VWA2: variants seen among roughly 807,000 people sequenced by gnomAD.
The protein encoded by VWA2 is von Willebrand factor A domain-containing protein 2.
Under a neutral mutation model 70.4 loss-of-function variants are expected in VWA2, and 73 were observed. That is an observed-to-expected ratio of 1.04 (90% CI 0.86 to 1.26). VWA2 has a LOEUF of 1.26. Ranked by LOEUF, VWA2 falls within the 50% of genes most tolerant of loss-of-function variation. The pLI is 0.00. For missense variants in VWA2, 1,011 were observed against 998.5 expected (o/e 1.01, Z -0.17); for synonymous variants, 407 against 423.3 (o/e 0.96, Z 0.47).
intron 4 of VWA2, among the ~76,000 whole-genome samples, chr10:114,256,354 G>T (rs1202473862): frequency 6.6e-6 from 1 of 152,192 alleles, no homozygotes; most frequent in African/African-American, 2.4e-5. Context: ...GGTGCAAATG[G>T]TGTGTATAAT....
At chr10:114,244,760 A>G (rs758914335) in intron 1 of VWA2, among the ~76,000 whole-genome samples, 12 of 152,262 alleles carry the variant, frequency 7.9e-5, no homozygotes, top group Non-Finnish European at 1.3e-4. Context: ...AGTGCAAACA[A>G]TACTTCAACA....
At chr10:114,272,589 T>G in intron 5 of VWA2, 151 bp from the exon 6 acceptor site, 1 of 651,042 alleles carries the variant, frequency 1.5e-6, no homozygotes. Flanking sequence ...TTGTTGTGGT[T>G]TAGATGGTAG....
At chr10:114,268,947 G>A (rs1053416794) in intron 5 of VWA2, among the ~76,000 whole-genome samples, 1 of 151,418 alleles carries the variant, frequency 6.6e-6, no homozygotes, top group South Asian at 2.1e-4. Context: ...CGCCCGCCTC[G>A]GCCTTCCAAA....
chr10:114,263,328 ATTT>A (rs35723083), intron 5 of VWA2, among the ~76,000 whole-genome samples: 5 of 76,136 alleles, frequency 6.6e-5, no homozygotes, highest in East Asian at 7.5e-4. Flanking sequence ...AATCTCCCCC[ATTT>A]TTTTTTTTTT....
intron 3 of VWA2, 78 bp from the exon 4 acceptor site, chr10:114,254,837 C>A: frequency 6.4e-7 from 1 of 1,569,206 alleles, no homozygotes; most frequent in Non-Finnish European, 8.7e-7. Flanking sequence ...CACCACAAGG[C>A]TGTTTGTGCC....
intron 2 of VWA2, 102 bp from the exon 3 acceptor site, chr10:114,253,549 G>A (rs1282907823): frequency 1.4e-5 from 14 of 986,816 alleles, no homozygotes; most frequent in Non-Finnish European, 2.1e-5. Context: ...CACATTCTAG[G>A]TTTCTCTGAT....
intron 13 of VWA2, 84 bp downstream of exon 13, chr10:114,290,449 G>T: frequency 6.6e-7 from 1 of 1,520,852 alleles, no homozygotes; most frequent in African/African-American, 1.4e-5. Flanking sequence ...GCTGAAGGCA[G>T]GTTCTAAAAC....
chr10:114,289,422 G>T lies in VWA2; in HGVS notation c.2055G>T (p.Leu685=). ...GGCTTGCAGGTCCCCGGGATTCCCT[G>T]ATCCACGTGGCAGCTTACGCCGACC... The part of the protein sequence containing the change: ...LRRLAGPRDS[L]IHVAAYADLR... The change falls in exon 12 of 14, where the codon CTG becomes CTT. Residue 685 remains leucine, a synonymous_variant. Transcript: ENST00000392982. 1 of 1,614,216 alleles carries T rather than the reference G, an allele frequency of 6.2e-7. No homozygotes were observed. The highest frequency in any genetic ancestry group is 1.1e-5 in the South Asian group (1 of 91,082).
chr10:114,273,256 C>A (rs908070220), intron 6 of VWA2, among the ~76,000 whole-genome samples: 1 of 152,144 alleles, frequency 6.6e-6, no homozygotes, highest in Non-Finnish European at 1.5e-5. Context: ...TGTGCAGGAG[C>A]CAGGGACTTC....
chr10:114,276,308 C>T (rs115529321), intron 6 of VWA2, among the ~76,000 whole-genome samples: 315 of 152,314 alleles, frequency 2.1e-3, no homozygotes, highest in African/African-American at 7.1e-3. Flanking sequence ...TCTTCGTCAC[C>T]TGGGAGCCTG....
Position 114,289,709 on chromosome 10 carries a change from A to ATATC in VWA2, c.2122+222_2122+223insTCTA, listed in dbSNP as rs1005876790. The ATATC allele has an allele frequency of 1.0e-5, 6 of 589,638 alleles. No individual in the cohort carries two copies. In the African/African-American group the frequency reaches 1.1e-4, roughly 11 times the overall value. 36.5% of individuals were successfully genotyped at this position (589,638 alleles called of 1,614,324 possible). A position where few individuals can be genotyped will look rare whatever the true frequency, so the allele number is the denominator to read the frequency against. On this transcript the variant is annotated intron_variant, in intron 12 of 13. Transcript: ENST00000392982. Reference sequence around the variant, plus strand: ...GGTACAGAAAGTTTAACTAACATAGATAACTCCCCCCAAACTTGAGAATTT... The same window carrying ATATC: ...GGTACAGAAAGTTTAACTAACATAGATATCTAACTCCCCCCAAACTTGAGAATTT...
At chr10:114,281,391 G>A (rs1774242737) in intron 8 of VWA2, 2 of 152,328 alleles carry the variant, frequency 1.3e-5, no homozygotes, top group South Asian at 2.1e-4. Context: ...TTGGAGTCAT[G>A]GTCAGGGTTT....
In VWA2 at chr10:114,293,712, G is replaced by A. The variant is rs1478587616; in HGVS notation, c.*2475G>A. On this transcript the variant is annotated 3_prime_UTR_variant, in exon 14 of 14. Transcript: ENST00000392982. ...GGCCATAAATTTCCTTATTTTCTCT[G>A]AACGATCCTGATTCCAGTCATCTTG... Among the ~76,000 whole-genome samples, 5 of 151,986 alleles carry A rather than the reference G, an allele frequency of 3.3e-5. No individual in the cohort carries two copies. The highest frequency in any genetic ancestry group is 1.2e-4 in the African/African-American group (5 of 41,364).
chr10:114,267,016 T>C (rs2037584384), intron 5 of VWA2, among the ~76,000 whole-genome samples: 1 of 152,230 alleles, frequency 6.6e-6, no homozygotes, highest in African/African-American at 2.4e-5. Flanking sequence ...ATATATTTAA[T>C]TATTCTCCTA....
chr10:114,284,090 G>A lies in VWA2; in HGVS notation c.890-773G>A, dbSNP rs151338858. On this transcript the variant is annotated intron_variant, in intron 9 of 13. Transcript: ENST00000392982. ...GCTGCACTTTGTAATAATTGATAAGGAAAGCAATGAGATGCTCAGGCATGG... is the reference window on the plus strand; with the variant it reads ...GCTGCACTTTGTAATAATTGATAAGAAAAGCAATGAGATGCTCAGGCATGG... 2.0e-5 allele frequency among the ~76,000 whole-genome samples: 3 copies of A among 152,298 alleles called. No homozygotes were observed. The East Asian group carries it at 5.8e-4, about 29-fold the overall frequency.
At chr10:114,282,017 CT>C (rs144974085) in intron 8 of VWA2, among the ~76,000 whole-genome samples, 8 of 119,646 alleles carry the variant, frequency 6.7e-5, no homozygotes, top group East Asian at 2.7e-4. Flanking sequence ...CTTATGTTAC[CT>C]TTTTTTTTTG....
chr10:114,252,737 T>A (rs1202215116), intron 2 of VWA2, among the ~76,000 whole-genome samples: 1 of 151,078 alleles, frequency 6.6e-6, no homozygotes, highest in Non-Finnish European at 1.5e-5. Flanking sequence ...TAGCTGGAAC[T>A]ATAGGCGCCC....
rs1442079067 is a variant in VWA2 at position 114,288,949 on chromosome 10, C to T, written c.1582C>T (p.Gln528Ter). 2 of 1,607,936 alleles carry T rather than the reference C, an allele frequency of 1.2e-6. No homozygotes were observed. Among genetic ancestry groups the T allele is most frequent in the Admixed American group, 1.7e-5 (1 of 59,844 alleles). Residue 528 changes from glutamine to a stop codon, truncating the protein, a stop_gained, in exon 12 of 14, where the codon CAA becomes TAA. Transcript: ENST00000392982. LOFTEE classifies it high-confidence loss of function. ...GCTTGCTCCTGCAGGGTGCCGGACA[C>T]AAGCCCTGGACCTCGTCTTCATGTT... ...CSRQRPGCRT[Q>*]ALDLVFMLDT...
intron 1 of VWA2, 85 bp downstream of exon 1, chr10:114,239,654 G>A (rs1023056789): frequency 1.3e-5 from 2 of 152,392 alleles, no homozygotes; most frequent in Non-Finnish European, 2.9e-5. Flanking sequence ...CCCGGTACTG[G>A]GGCCCCCTCT....
Sources: allele counts gnomAD v4.1 joint callset (sites outside exome capture counted in the v4.1 genomes callset), GRCh38; gene constraint gnomAD v4.1.1; transcripts MANE v1.5; gene names NCBI Gene and HGNC (gene_info 2026-07-23, HGNC 2026-07-21).